The following SYNPO2 variants were observed in gnomAD, a reference collection of about 807,000 sequenced individuals.
SYNPO2 encodes the protein synaptopodin 2.
In SYNPO2, 56 loss-of-function variants were observed where a neutral mutation model predicts 85.0. The observed-to-expected ratio is 0.66, with a 90% CI of 0.53 to 0.82. SYNPO2 has a LOEUF of 0.82. Among genes scored for constraint, SYNPO2 ranks in the 40% least tolerant of loss-of-function variants. The pLI, the probability that SYNPO2 is intolerant of heterozygous loss-of-function variation, is 0.00. For synonymous variants in SYNPO2, 602 were observed against 591.1 expected, an observed-to-expected ratio of 1.02 and a Z score of -0.27; for missense variants, 1,575 against 1,534.2, an observed-to-expected ratio of 1.03 and a Z score of -0.44.
intron 4 of SYNPO2, chr4:119,036,889 A>G: frequency 3.4e-6 from 4 of 1,172,876 alleles, no homozygotes; most frequent in Non-Finnish European, 4.2e-6. Context: ...CAAACTTCTG[A>G]TTTTATCAAA....
At chr4:118,990,252 G>T (rs1363731681) in intron 1 of SYNPO2, among the ~76,000 whole-genome samples, 1 of 152,168 alleles carries the variant, frequency 6.6e-6, no homozygotes, top group East Asian at 1.9e-4. Flanking sequence ...GCACAGGATG[G>T]ACCCTCAGGA....
At chr4:118,898,114 T>C (rs1578528910) in intron 1 of SYNPO2, among the ~76,000 whole-genome samples, 2 of 152,170 alleles carry the variant, frequency 1.3e-5, no homozygotes, top group Non-Finnish European at 2.9e-5. Context: ...TATGGCATGA[T>C]ACCTTGTTTT....
chr4:118,954,690 A>G (rs1734812154), intron 1 of SYNPO2, among the ~76,000 whole-genome samples: 1 of 152,130 alleles, frequency 6.6e-6, no homozygotes, highest in African/African-American at 2.4e-5. Context: ...GATTTATCTG[A>G]AAAACCATTG....
intron 1 of SYNPO2, among the ~76,000 whole-genome samples, chr4:118,943,572 C>T (rs76200171): frequency 0.1 from 15,502 of 152,210 alleles, 887 homozygotes; most frequent in East Asian, 0.15. Flanking sequence ...CAAAGAGATG[C>T]TGTCATATCT....
At chr4:118,971,121 T>G (rs1216131115) in intron 1 of SYNPO2, among the ~76,000 whole-genome samples, 1 of 152,224 alleles carries the variant, frequency 6.6e-6, no homozygotes, top group Non-Finnish European at 1.5e-5. Context: ...TAAAATGCAA[T>G]ATGTTATTCT....
chr4:119,030,119 G>A lies in SYNPO2; in HGVS notation c.1344G>A (p.Glu448=), dbSNP rs764611796. 8.7e-6 allele frequency: 14 copies of A among 1,614,190 alleles called. No individual in the cohort carries two copies. Among genetic ancestry groups the A allele is most frequent in the South Asian group, 7.7e-5 (7 of 91,084 alleles). Residue 448 remains glutamate (E), a synonymous_variant, in exon 4 of 5, where the codon GAG becomes GAA. Coordinates refer to ENST00000307142, the MANE Select transcript of SYNPO2 (RefSeq NM_133477.3). The stretch of plus-strand genomic sequence containing the variant: ...CAAGCGAATCAGAGGTGGATGAAGA[G>A]TTATTGTCTGACGTTGACGACAACA... ...LGASESEVDE[E]LLSDVDDNTQ...
intron 1 of SYNPO2, among the ~76,000 whole-genome samples, chr4:118,859,821 C>T (rs571264858): frequency 5.3e-5 from 8 of 152,282 alleles, no homozygotes; most frequent in Non-Finnish European, 8.8e-5. Context: ...TTGGTTGATG[C>T]GCCCTTCAAA....
chr4:118,954,747 A>G (rs1426622781), intron 1 of SYNPO2, among the ~76,000 whole-genome samples: 1 of 152,138 alleles, frequency 6.6e-6, no homozygotes, highest in African/African-American at 2.4e-5. Flanking sequence ...CTATATAGCT[A>G]TATACAAGGG....
At chr4:119,034,517 C>T in intron 4 of SYNPO2, 1 of 985,468 alleles carries the variant, frequency 1.0e-6, no homozygotes, top group Non-Finnish European at 1.2e-6. Context: ...ATTTGGAGTT[C>T]TCCAAAACCT....
intron 1 of SYNPO2, among the ~76,000 whole-genome samples, chr4:118,872,398 T>C (rs1339787318): frequency 2.0e-5 from 3 of 152,202 alleles, no homozygotes; most frequent in East Asian, 3.8e-4. Context: ...AACAAACTCC[T>C]ATGACAACAA....
At position 119,031,499 on chromosome 4, in the gene SYNPO2, G is replaced by C. The variant is rs371192844; in HGVS notation, c.2724G>C (p.Pro908=). The C allele has an allele frequency of 2.5e-6, 4 of 1,614,004 alleles. No homozygotes were observed. Among genetic ancestry groups the C allele is most frequent in the Non-Finnish European group, 2.5e-6 (3 of 1,179,988 alleles). Residue 908 remains proline (P), a synonymous_variant, in exon 4 of 5, where the codon CCG becomes CCC. Transcript: ENST00000307142. The part of the protein sequence containing the change: ...ARAQSPTPSL[P]ASWKYSSNVR... ...CTCAGTCTCCCACTCCATCTCTCCCGGCCAGTTGGAAGTACTCCTCCAATG... is the reference window on the plus strand; with the variant it reads ...CTCAGTCTCCCACTCCATCTCTCCCCGCCAGTTGGAAGTACTCCTCCAATG...
intron 1 of SYNPO2, among the ~76,000 whole-genome samples, chr4:118,870,325 A>G (rs1414137261): frequency 6.6e-6 from 1 of 152,168 alleles, no homozygotes; most frequent in African/African-American, 2.4e-5. Flanking sequence ...TCCAGAGAGG[A>G]CCATTTGAGA....
At chr4:119,033,463 C>A (rs184299606) in intron 4 of SYNPO2, 1 of 985,252 alleles carries the variant, frequency 1.0e-6, no homozygotes, top group African/African-American at 1.7e-5. Flanking sequence ...TTTCTCAGAT[C>A]TATTTTAAGT....
intron 1 of SYNPO2, among the ~76,000 whole-genome samples, chr4:118,964,163 G>C (rs1446645016): frequency 2.0e-5 from 3 of 152,192 alleles, no homozygotes. Context: ...CAAAATAAGA[G>C]ATGTGGCTGT....
chr4:118,886,373 G>A (rs560718508), upstream of SYNPO2, among the ~76,000 whole-genome samples: 5 of 152,164 alleles, frequency 3.3e-5, no homozygotes, highest in African/African-American at 7.2e-5. Flanking sequence ...CCCCGCATGC[G>A]TTATGTGTCG....
intron 1 of SYNPO2, among the ~76,000 whole-genome samples, chr4:118,907,666 C>A (rs895942270): frequency 3.3e-5 from 5 of 152,030 alleles, no homozygotes; most frequent in African/African-American, 1.2e-4. Context: ...CTGTAAACCC[C>A]TAAAATAACT....
At chr4:118,860,240 C>A (rs190966428) in intron 1 of SYNPO2, among the ~76,000 whole-genome samples, 1 of 152,212 alleles carries the variant, frequency 6.6e-6, no homozygotes, top group African/African-American at 2.4e-5. Context: ...TGCACAACCC[C>A]CCCGCCACTT....
At chr4:119,016,979 C>T (rs1426168432) in intron 1 of SYNPO2, among the ~76,000 whole-genome samples, 1 of 152,114 alleles carries the variant, frequency 6.6e-6, no homozygotes, top group Non-Finnish European at 1.5e-5. Flanking sequence ...TTTATGGTGA[C>T]TTGGTCTCTG....
chr4:118,914,715 T>G (rs995833198), intron 1 of SYNPO2, among the ~76,000 whole-genome samples: 4 of 152,052 alleles, frequency 2.6e-5, no homozygotes, highest in African/African-American at 9.7e-5. Flanking sequence ...ATTTAAAGTT[T>G]GGCAGTAAAG....
Sources: allele counts gnomAD v4.1 joint callset (sites outside exome capture counted in the v4.1 genomes callset), GRCh38; gene constraint gnomAD v4.1.1; transcripts MANE v1.5; gene names NCBI Gene and HGNC (gene_info 2026-07-23, HGNC 2026-07-21).